Variants in ACSL6 observed in about 807,000 individuals in gnomAD.
ACSL6 encodes long-chain-fatty-acid--CoA ligase 6.
In ACSL6, 47 loss-of-function variants were observed where a neutral mutation model predicts 98.2. That is an observed-to-expected ratio of 0.48 (90% CI 0.38 to 0.61). The LOEUF (loss-of-function observed/expected upper bound fraction) is 0.61. Among genes scored for constraint, ACSL6 ranks in the 20% least tolerant of loss-of-function variants. The probability of loss-of-function intolerance (pLI) is 0.00; values close to 1 mark genes in which losing one functional copy is unlikely to be tolerated. For missense variants in ACSL6, 761 were observed against 913.4 expected (o/e 0.83, Z 2.15); for synonymous variants, 362 against 336.9 (o/e 1.07, Z -0.82).
In ACSL6 at chr5:132,011,592, CCCGA is replaced by C; in HGVS notation, c.-43_-40del. On this transcript the variant is annotated 5_prime_UTR_variant, in exon 1 of 21. Coordinates refer to ENST00000651883, the MANE Select transcript of ACSL6 (RefSeq NM_001009185.3). The surrounding 1 kb of genome is among the most constrained non-coding windows in gnomAD (Gnocchi z 5.4). ...GCCCGGCCCGGCCCGGCCCGGCCTCCCCGACCCGCAGCCCCGCAGCCCCGCAGCC... is the reference window on the plus strand; with the variant it reads ...GCCCGGCCCGGCCCGGCCCGGCCTCCCCCGCAGCCCCGCAGCCCCGCAGCC... The C allele has an allele frequency of 6.8e-7, 1 of 1,469,324 alleles. No homozygotes were observed. Among genetic ancestry groups the C allele is most frequent in the Non-Finnish European group, 9.0e-7 (1 of 1,112,212 alleles). 91.0% of individuals were successfully genotyped at this position (1,469,324 alleles called of 1,614,324 possible).
intron 1 of ACSL6, among the ~76,000 whole-genome samples, chr5:132,000,888 C>T (rs1755052044): frequency 6.6e-6 from 1 of 152,208 alleles, no homozygotes; most frequent in African/African-American, 2.4e-5. Flanking sequence ...CTAGAGCCCA[C>T]AGGCTTGCAA....
intron 15 of ACSL6, among the ~76,000 whole-genome samples, chr5:131,969,446 T>G (rs777914141): frequency 2.7e-5 from 4 of 150,778 alleles, no homozygotes; most frequent in Non-Finnish European, 5.9e-5. Context: ...CCTTTGGAGA[T>G]TATTGTGTTT....
At chr5:131,958,334 T>A (rs988278517) in intron 20 of ACSL6, among the ~76,000 whole-genome samples, 1 of 152,204 alleles carries the variant, frequency 6.6e-6, no homozygotes, top group Non-Finnish European at 1.5e-5. Flanking sequence ...CACTCATTTG[T>A]GGTCTCTGGT....
At chr5:131,966,069 C>A (rs1246508923) in intron 17 of ACSL6, among the ~76,000 whole-genome samples, 1 of 152,192 alleles carries the variant, frequency 6.6e-6, no homozygotes, top group Non-Finnish European at 1.5e-5. Flanking sequence ...GCAGGCCTTG[C>A]CCTTCTCAGA....
chr5:132,000,688 C>T (rs2126943326), intron 1 of ACSL6, among the ~76,000 whole-genome samples: 1 of 152,298 alleles, frequency 6.6e-6, no homozygotes, highest in East Asian at 1.9e-4. Flanking sequence ...GTCTAGGCCA[C>T]AGGAGCCAGC....
intron 1 of ACSL6, among the ~76,000 whole-genome samples, chr5:131,996,517 A>G (rs1322156249): frequency 6.6e-6 from 1 of 152,194 alleles, no homozygotes; most frequent in African/African-American, 2.4e-5. Flanking sequence ...ACTTAATGAT[A>G]TGAGAAGCCA....
intron 8 of ACSL6, among the ~76,000 whole-genome samples, chr5:131,985,960 A>G (rs923075845): frequency 2.6e-5 from 4 of 152,240 alleles, no homozygotes; most frequent in African/African-American, 9.6e-5. Flanking sequence ...CACTGGGCAC[A>G]TAGTCTGGGG....
rs774078082 is a variant in ACSL6, at chr5:131,971,607, T to C, written c.1377A>G (p.Gly459=). 2 of 1,612,324 alleles carry C rather than the reference T, an allele frequency of 1.2e-6. No homozygotes were observed. The highest frequency in any genetic ancestry group is 1.7e-6 in the Non-Finnish European group (2 of 1,179,108). ...GAACTGTTGGTGATGCTGGGGCTGCTCCAGTAACAATCATCCGCACACACC... is the reference window on the plus strand; with the variant it reads ...GAACTGTTGGTGATGCTGGGGCTGCCCCAGTAACAATCATCCGCACACACC... The part of the protein sequence containing the change: ...LGGCVRMIVT[G]AAPASPTVLG... The change falls in exon 14 of 21, where the codon GGA becomes GGG. Residue 459 remains glycine, a synonymous_variant. Coordinates refer to ENST00000651883, the MANE Select transcript of ACSL6 (RefSeq NM_001009185.3).
chr5:131,959,259 C>T (rs1052002586), intron 20 of ACSL6, among the ~76,000 whole-genome samples: 4 of 152,188 alleles, frequency 2.6e-5, no homozygotes, highest in African/African-American at 9.7e-5. Flanking sequence ...GCTTGGAAGA[C>T]AGATCATGTA....
chr5:131,980,220 A>T (rs1176536306), intron 9 of ACSL6, among the ~76,000 whole-genome samples: 1 of 152,212 alleles, frequency 6.6e-6, no homozygotes, highest in Non-Finnish European at 1.5e-5. Flanking sequence ...AAGTTTCATA[A>T]TGCAGCTAGA....
In ACSL6 at chr5:131,952,641, A is replaced by T; in HGVS notation, c.*1593T>A. 4.7e-6 allele frequency: 1 copy of T among 213,462 alleles called. No homozygotes were observed. 13.2% of individuals were successfully genotyped at this position (213,462 alleles called of 1,614,324 possible). A position where few individuals can be genotyped will look rare whatever the true frequency, so the allele number is the denominator to read the frequency against. On this transcript the variant is annotated 3_prime_UTR_variant, in exon 21 of 21. Transcript: ENST00000651883. ...GGGTCCATGCCTTTTTCAGAGGCAC[A>T]ATCTATAGCTTGGAACTTAATTGCT...
Position 132,011,628 on chromosome 5 carries a change from C to A in ACSL6, c.-75G>T. On this transcript the variant is annotated 5_prime_UTR_variant, in exon 1 of 21. Coordinates refer to ENST00000651883, the MANE Select transcript of ACSL6 (RefSeq NM_001009185.3). This position sits in a 1 kb window ranked among gnomAD's most constrained non-coding sequence, Gnocchi z 5.4. Reference sequence around the variant, plus strand: ...GCCCCGCAGCCCCGCAGCCCAGCAGCCCCAGCAGTAGCCGCGCCGCCGCCG... The same window carrying A: ...GCCCCGCAGCCCCGCAGCCCAGCAGACCCAGCAGTAGCCGCGCCGCCGCCG... 7.8e-7 allele frequency: 1 copy of A among 1,278,498 alleles called. No homozygotes were observed. 79.2% of individuals were successfully genotyped at this position (1,278,498 alleles called of 1,614,324 possible).
intron 1 of ACSL6, chr5:132,003,943 T>G (rs930693132): frequency 2.0e-5 from 3 of 152,142 alleles, no homozygotes; most frequent in African/African-American, 4.8e-5. Flanking sequence ...TAAGGAAACT[T>G]CAGTTATTCT....
At chr5:131,963,330 T>C (rs1164718171) in intron 17 of ACSL6, among the ~76,000 whole-genome samples, 1 of 152,056 alleles carries the variant, frequency 6.6e-6, no homozygotes, top group Non-Finnish European at 1.5e-5. Context: ...CTCCTTGACC[T>C]TTCTGAGCTT....
chr5:131,964,094 T>C (rs927220991), intron 17 of ACSL6, among the ~76,000 whole-genome samples: 1 of 152,184 alleles, frequency 6.6e-6, no homozygotes, highest in Non-Finnish European at 1.5e-5. Flanking sequence ...TCTACCTAAA[T>C]TTCAAGAATG....
At chr5:131,981,769 C>G (rs1027897346) in intron 9 of ACSL6, 3 of 152,270 alleles carry the variant, frequency 2.0e-5, no homozygotes, top group African/African-American at 7.2e-5. Flanking sequence ...AAGAAGTGCA[C>G]ACATGCTTGT....
chr5:131,972,446 C>T (rs1753361742), intron 13 of ACSL6, among the ~76,000 whole-genome samples: 1 of 152,178 alleles, frequency 6.6e-6, no homozygotes, highest in Non-Finnish European at 1.5e-5. Context: ...ACTGACCTGA[C>T]TACCCAAGGT....
At chr5:131,985,286 A>G in intron 9 of ACSL6, 121 bp downstream of exon 9, 1 of 1,286,414 alleles carries the variant, frequency 7.8e-7, no homozygotes, top group Non-Finnish European at 1.1e-6. Flanking sequence ...GTCTGGAGCC[A>G]GGAACAAGAC....
intron 1 of ACSL6, among the ~76,000 whole-genome samples, chr5:132,010,125 T>A (rs1755629611): frequency 6.6e-6 from 1 of 152,164 alleles, no homozygotes. Context: ...AGGACCAGAG[T>A]GCCCCTGCAC....
Sources: allele counts gnomAD v4.1 joint callset (sites outside exome capture counted in the v4.1 genomes callset), GRCh38; gene constraint gnomAD v4.1.1; non-coding constraint Gnocchi (gnomAD v3.1); transcripts MANE v1.5; gene names NCBI Gene and HGNC (gene_info 2026-07-23, HGNC 2026-07-21).